TKFC: variants seen among roughly 807,000 people sequenced by gnomAD.
The protein encoded by TKFC is triokinase/FMN cyclase.
TKFC carries 46 observed loss-of-function variants against 61.0 expected under a neutral mutation model. The ratio of observed to expected loss-of-function variants is 0.75; its 90% CI spans 0.60 to 0.96. The LOEUF (loss-of-function observed/expected upper bound fraction) is 0.96. TKFC is among the 50% of genes least tolerant of loss of function. The pLI, the probability that TKFC is intolerant of heterozygous loss-of-function variation, is 0.00. For missense variants in TKFC, 715 were observed against 777.5 expected, an observed-to-expected ratio of 0.92 and a Z score of 0.96; for synonymous variants, 314 against 330.1, an observed-to-expected ratio of 0.95 and a Z score of 0.53.
downstream of TKFC, chr11:61,349,416 A>G (rs892892248): frequency 3.2e-6 from 2 of 632,896 alleles, no homozygotes; most frequent in African/African-American, 1.8e-5. Flanking sequence ...GGGCCCTGCC[A>G]AGAGAGCAAG....
In TKFC at chr11:61,346,306, C is replaced by T. The variant is rs1407543473; in HGVS notation, c.1576-45C>T. 3 of 1,609,402 alleles carry T rather than the reference C, an allele frequency of 1.9e-6. No homozygotes were observed. The highest frequency in any genetic ancestry group is 2.5e-6 in the Non-Finnish European group (3 of 1,179,876). On this transcript the variant is annotated intron_variant, in intron 17 of 17. Transcript: ENST00000394900. This position sits in a 1 kb window ranked among gnomAD's most constrained non-coding sequence, Gnocchi z 4.1. ...TCTGCCCATGGCAGGAAGGAGGCGG[C>T]CTGGTGATCTGCCCTTGAACCTGCT...
At chr11:61,341,969 C>T in intron 7 of TKFC, 57 bp downstream of exon 7, 1 of 1,516,842 alleles carries the variant, frequency 6.6e-7, no homozygotes, top group Non-Finnish European at 9.0e-7. Context: ...GGACTTTGCC[C>T]ACCTTGCATA....
rs767177002 is a variant in TKFC at position 61,345,292 on chromosome 11, C to G, written c.1273C>G (p.Pro425Ala). Reference sequence around the variant, plus strand: ...GGAGTGGCTGAAGGAGGGCCCACCCCCTGCCAGCCCTGCCCAGCTGCTCTC... The same window carrying G: ...GGAGTGGCTGAAGGAGGGCCCACCCGCTGCCAGCCCTGCCCAGCTGCTCTC... ...IQEWLKEGPP[P>A]ASPAQLLSKL... Residue 425 changes from proline (P) to alanine (A), a missense_variant, in exon 14 of 18, where the codon CCT becomes GCT. By Grantham distance (27) the Pro-to-Ala change is conservative. Coordinates refer to ENST00000394900, the MANE Select transcript of TKFC (RefSeq NM_015533.4). The G allele has an allele frequency of 6.3e-7, 1 of 1,595,124 alleles. No homozygotes were observed. The highest frequency in any genetic ancestry group is 2.2e-5 in the East Asian group (1 of 44,602).
intron 14 of TKFC, 45 bp downstream of exon 14, chr11:61,345,411 T>C (rs753477720): frequency 1.3e-6 from 2 of 1,597,982 alleles, no homozygotes; most frequent in Non-Finnish European, 1.7e-6. Context: ...GTGGCTGGGC[T>C]GGCTGGGGTC....
At chr11:61,345,153 C>A in intron 13 of TKFC, 107 bp from the exon 14 acceptor site, 1 of 920,860 alleles carries the variant, frequency 1.1e-6, no homozygotes, top group Non-Finnish European at 1.6e-6. Context: ...GGGAAGCCTT[C>A]ATTCCACTTC....
chr11:61,345,699 C>CT lies in TKFC; in HGVS notation c.1452-10dup, dbSNP rs1430336981. The CT allele has an allele frequency of 1.2e-6, 2 of 1,614,250 alleles. No homozygotes were observed. The highest frequency in any genetic ancestry group is 1.7e-6 in the Non-Finnish European group (2 of 1,180,040). On this transcript the variant is annotated splice_polypyrimidine_tract_variant and intron_variant, in intron 15 of 17. Coordinates refer to ENST00000394900, the MANE Select transcript of TKFC (RefSeq NM_015533.4). ...CCCTATAGTGAGCCTCTTTCACTCT[C>CT]TTTCCCTGCCAGGTATGGCAAGGCT...
At position 61,348,059 on chromosome 11, in the gene TKFC, CCTGT is replaced by C. The variant is rs1252233773; in HGVS notation, c.*1562_*1565del. 1 of 985,300 alleles carries C rather than the reference CCTGT, an allele frequency of 1.0e-6. No individual in the cohort carries two copies. The highest frequency in any genetic ancestry group is 1.7e-5 in the African/African-American group (1 of 57,204). The allele number at this position is 985,300 out of a possible 1,614,324, so 61.0% of individuals were successfully genotyped here. ...GTGCCTGGGCTTCTCTACCCAGGGT[CCTGT>C]CTGTCGGCTGCACCATACGTCCCTG... is the stretch of plus-strand genomic sequence containing the variant. On this transcript the variant is annotated 3_prime_UTR_variant, in exon 18 of 18. Coordinates refer to ENST00000394900, the MANE Select transcript of TKFC (RefSeq NM_015533.4).
intron 2 of TKFC, chr11:61,336,435 TCTCA>T (rs1415667895): frequency 6.5e-6 from 1 of 152,678 alleles, no homozygotes; most frequent in Admixed American, 6.5e-5. Context: ...TGGGCCCCAG[TCTCA>T]CTCTGTCTTC....
intron 2 of TKFC, chr11:61,335,867 T>G (rs551138179): frequency 6.6e-6 from 1 of 152,214 alleles, no homozygotes; most frequent in Non-Finnish European, 1.5e-5. Context: ...CAATCTCGGC[T>G]CACCACAACC....
chr11:61,344,146 G>C lies in TKFC; in HGVS notation c.1113G>C (p.Ser371=). 6.2e-7 allele frequency: 1 copy of C among 1,612,268 alleles called. No individual in the cohort carries two copies. Among genetic ancestry groups the C allele is most frequent in the Non-Finnish European group, 8.5e-7 (1 of 1,179,992 alleles). The change falls in exon 13 of 18, where the codon TCG becomes TCC. Residue 371 remains serine (S), a synonymous_variant. Coordinates refer to ENST00000394900, the MANE Select transcript of TKFC (RefSeq NM_015533.4). ...ATCCTCCCTTTCTAGGCTCAGCCTC[G>C]AAGCGGATGGCGCTGGTGCTGGAAC... ...PDSTAAGGSA[S]KRMALVLERV... is the part of the protein sequence containing the mutation.
chr11:61,345,879 G>A lies in TKFC; in HGVS notation c.1508G>A (p.Gly503Glu), dbSNP rs777023539. ...RTMLDSLWAA[G>E]QELQAWKSPG... ...CAGCTGGATTCTCTGTGGGCAGCGG[G>A]GCAGGAGCTCCAAGCCTGGAAGAGC... Residue 503 changes from glycine to glutamate, a missense_variant, in exon 17 of 18, where the codon GGG becomes GAG. By Grantham distance (98) the Gly-to-Glu change is moderately conservative. Coordinates refer to ENST00000394900, the MANE Select transcript of TKFC (RefSeq NM_015533.4). 1 of 1,614,136 alleles carries A rather than the reference G, an allele frequency of 6.2e-7. No homozygotes were observed. Among genetic ancestry groups the A allele is most frequent in the Non-Finnish European group, 8.5e-7 (1 of 1,180,040 alleles).
At chr11:61,334,524 T>A (rs891708063) in intron 1 of TKFC, 96 bp from the exon 2 acceptor site, 1 of 606,736 alleles carries the variant, frequency 1.6e-6, no homozygotes, top group Non-Finnish European at 2.9e-6. Context: ...GACCGAAGTC[T>A]GGGGCAGCTC....
intron 2 of TKFC, among the ~76,000 whole-genome samples, chr11:61,336,842 C>T (rs1343103201): frequency 6.6e-6 from 1 of 152,194 alleles, no homozygotes; most frequent in Non-Finnish European, 1.5e-5. Flanking sequence ...GTCCTCTCCT[C>T]CCCACCCCTT....
chr11:61,341,658 TG>T (rs1287331808), intron 6 of TKFC, 144 bp downstream of exon 6: 4 of 1,213,516 alleles, frequency 3.3e-6, no homozygotes, highest in Non-Finnish European at 4.8e-6. Context: ...GGGGAGCTCC[TG>T]GGGACTGGTG....
rs757064940 is a variant in TKFC at position 61,346,303 on chromosome 11, C to T, written c.1576-48C>T. 24 of 1,608,580 alleles carry T rather than the reference C, an allele frequency of 1.5e-5. No homozygotes were observed. The highest frequency in any genetic ancestry group is 1.9e-5 in the Non-Finnish European group (23 of 1,179,804). Reference sequence around the variant, plus strand: ...CGTTCTGCCCATGGCAGGAAGGAGGCGGCCTGGTGATCTGCCCTTGAACCT... The same window carrying T: ...CGTTCTGCCCATGGCAGGAAGGAGGTGGCCTGGTGATCTGCCCTTGAACCT... On this transcript the variant is annotated intron_variant, in intron 17 of 17. Transcript: ENST00000394900. The surrounding 1 kb of genome is among the most constrained non-coding windows in gnomAD (Gnocchi z 4.1).
chr11:61,350,223 G>C (rs1857331775), downstream of TKFC: 3 of 773,742 alleles, frequency 3.9e-6, no homozygotes, highest in East Asian at 8.1e-5. Flanking sequence ...ACCAAGGAAA[G>C]CAGACAGGCA....
In TKFC at chr11:61,346,176, C is replaced by T. The variant is rs189552165; in HGVS notation, c.1576-175C>T. ...CCTCAGTGAATGGTGACCCTTTTCC[C>T]TGCTGGAAGTAGATGAGAAGTGACT... On this transcript the variant is annotated intron_variant, in intron 17 of 17. Coordinates refer to ENST00000394900, the MANE Select transcript of TKFC (RefSeq NM_015533.4). The surrounding 1 kb of genome is among the most constrained non-coding windows in gnomAD (Gnocchi z 4.1). 25 of 1,455,854 alleles carry T rather than the reference C, an allele frequency of 1.7e-5. No homozygotes were observed. In the African/African-American group the frequency reaches 3.2e-4, roughly 19 times the overall value. The allele number at this position is 1,455,854 out of a possible 1,614,324, so 90.2% of individuals were successfully genotyped here. A position where few individuals can be genotyped will look rare whatever the true frequency, so the allele number is the denominator to read the frequency against.
chr11:61,338,057 T>C lies in TKFC; in HGVS notation c.120T>C (p.Ser40=). The change falls in exon 3 of 18, where the codon TCT becomes TCC. Residue 40 remains serine (S), a synonymous_variant. Coordinates refer to ENST00000394900, the MANE Select transcript of TKFC (RefSeq NM_015533.4). ...LLQGHRVALR[S]DLDSLKGRVA... ...AGGGCCACCGCGTGGCCCTCCGTTC[T>C]GACCTGGACAGCCTCAAGGGCCGGG... is the stretch of plus-strand genomic sequence containing the variant. The C allele has an allele frequency of 6.2e-7, 1 of 1,612,490 alleles. No individual in the cohort carries two copies. The highest frequency in any genetic ancestry group is 1.1e-5 in the South Asian group (1 of 90,968).
chr11:61,349,775 C>G (rs1469638200), downstream of TKFC: 6 of 642,856 alleles, frequency 9.3e-6, no homozygotes, highest in Non-Finnish European at 1.7e-5. Flanking sequence ...TGCAATCACC[C>G]CATGATGTCT....
Sources: gnomAD v4.1 joint callset for allele counts (sites outside exome capture counted in the v4.1 genomes callset) on GRCh38, gnomAD v4.1.1 for gene constraint, Gnocchi (gnomAD v3.1) non-coding constraint, MANE v1.5 for transcripts, NCBI Gene and HGNC (gene_info 2026-07-23, HGNC 2026-07-21) for gene names.